The following TCF3 variants were observed in gnomAD, a reference collection of about 807,000 sequenced individuals.
TCF3 encodes transcription factor 3, also known as transcription factor E2-alpha.
A neutral mutation model predicts 72.3 loss-of-function variants in TCF3; 54 were observed. The observed-to-expected ratio is 0.75, with a 90% CI of 0.60 to 0.94. TCF3 has a LOEUF of 0.94. Among genes scored for constraint, TCF3 ranks in the 40% least tolerant of loss-of-function variants. The pLI is 0.00. For synonymous variants in TCF3, 525 were observed against 412.6 expected, an observed-to-expected ratio of 1.27 and a Z score of -3.30; for missense variants, 1,078 against 934.4, an observed-to-expected ratio of 1.15 and a Z score of -2.00.
chr19:1,615,232 AC>A lies in TCF3; in HGVS notation c.1822+52del. 6.6e-7 allele frequency: 1 copy of A among 1,525,696 alleles called. No individual in the cohort carries two copies. The highest frequency in any genetic ancestry group is 2.0e-5 in the Admixed American group (1 of 49,828). The allele number at this position is 1,525,696 out of a possible 1,614,324, so 94.5% of individuals were successfully genotyped here. The stretch of plus-strand genomic sequence containing the variant: ...GCGGGGAAGGAGAACGAGGGCAGGA[AC>A]ACGAGGGAGGGTGGCGCTGCAGGGA... On this transcript the variant is annotated intron_variant, in intron 18 of 18. Transcript: ENST00000262965. This position sits in a 1 kb window ranked among gnomAD's most constrained non-coding sequence, Gnocchi z 7.3.
At chr19:1,652,156 G>C (rs567952328) in intron 1 of TCF3, 144 bp downstream of exon 1, 2 of 148,166 alleles carry the variant, frequency 1.3e-5, no homozygotes, top group South Asian at 4.3e-4. Flanking sequence ...AATGACTCCC[G>C]GGCCGCGGGG....
chr19:1,619,347 G>C lies in TCF3; in HGVS notation c.1295C>G (p.Pro432Arg), dbSNP rs769618130. The change falls in exon 15 of 19, where the codon CCC (proline) becomes CGC (arginine). Residue 432 changes from proline to arginine, a missense_variant. Transcript: ENST00000262965. Reference sequence around the variant, plus strand: ...TGCGTGCCGCCCGCCCAGTGACATGGGGCCGGTGAAACCTGAGGCCAGCGC... The same window carrying C: ...TGCGTGCCGCCCGCCCAGTGACATGCGGCCGGTGAAACCTGAGGCCAGCGC... ...HGALASGFTG[P>R]MSLGGRHAGL... The C allele has an allele frequency of 3.8e-6, 6 of 1,583,628 alleles. No homozygotes were observed. The highest frequency in any genetic ancestry group is 5.1e-6 in the Non-Finnish European group (6 of 1,171,390).
chr19:1,637,848 G>A (rs1044823875), intron 3 of TCF3, among the ~76,000 whole-genome samples: 1 of 152,148 alleles, frequency 6.6e-6, no homozygotes, highest in Non-Finnish European at 1.5e-5. Flanking sequence ...GGCAGAGCTT[G>A]CAGTGAGCCG....
intron 3 of TCF3, among the ~76,000 whole-genome samples, chr19:1,645,759 C>G (rs370239403): frequency 6.6e-6 from 1 of 152,182 alleles, no homozygotes; most frequent in South Asian, 2.1e-4. Context: ...GTGTCATCAG[C>G]GAGGGTGACC....
intron 3 of TCF3, among the ~76,000 whole-genome samples, chr19:1,646,035 C>CGA (rs753661161): frequency 1.4e-4 from 21 of 152,150 alleles, no homozygotes; most frequent in Non-Finnish European, 2.9e-4. Context: ...AACGGATGCT[C>CGA]GAGATCCCCA....
At chr19:1,620,340 C>A (rs766050820) in intron 13 of TCF3, among the ~76,000 whole-genome samples, 3 of 152,152 alleles carry the variant, frequency 2.0e-5, no homozygotes, top group Non-Finnish European at 4.4e-5. Context: ...TCTCACTCCC[C>A]CTCCTCCTGT....
chr19:1,615,853 C>G lies in TCF3; in HGVS notation c.1451-32G>C. On this transcript the variant is annotated intron_variant, in intron 16 of 18. Transcript: ENST00000262965. The surrounding 1 kb of genome is among the most constrained non-coding windows in gnomAD (Gnocchi z 7.3). ...CAGGCCTAGGGTCAGGGGCCTGCGT[C>G]GGCCTCCAGGGCCAACTGACATATC... is the stretch of plus-strand genomic sequence containing the variant. 6.6e-7 allele frequency: 1 copy of G among 1,506,300 alleles called. No individual in the cohort carries two copies. Among genetic ancestry groups the G allele is most frequent in the Non-Finnish European group, 8.9e-7 (1 of 1,127,768 alleles). The allele number at this position is 1,506,300 out of a possible 1,614,324, so 93.3% of individuals were successfully genotyped here. A position where few individuals can be genotyped will look rare whatever the true frequency, so the allele number is the denominator to read the frequency against.
chr19:1,642,240 AGACG>A (rs2065403972), intron 3 of TCF3, among the ~76,000 whole-genome samples: 7 of 151,660 alleles, frequency 4.6e-5, no homozygotes, highest in Admixed American at 2.0e-4. Context: ...ACGCACGCGC[AGACG>A]CACACACACG....
At chr19:1,619,504 G>C (rs752058995) in intron 14 of TCF3, 30 bp from the exon 15 acceptor site, 4 of 1,550,734 alleles carry the variant, frequency 2.6e-6, no homozygotes, top group Non-Finnish European at 3.5e-6. Flanking sequence ...GTGGTGAGGG[G>C]CCCAAGCCGA....
At chr19:1,619,644 TTGGCG>T in intron 14 of TCF3, 131 bp downstream of exon 14, 1 of 1,269,126 alleles carries the variant, frequency 7.9e-7, no homozygotes, top group African/African-American at 1.5e-5. Flanking sequence ...TGTGTGTGCC[TTGGCG>T]GCCACGAGGC....
At chr19:1,649,066 C>T (rs970406441) in intron 2 of TCF3, among the ~76,000 whole-genome samples, 24 of 152,228 alleles carry the variant, frequency 1.6e-4, no homozygotes, top group African/African-American at 5.8e-4. Context: ...CTCCGTTCAC[C>T]CAGGTGGAGA....
intron 16 of TCF3, among the ~76,000 whole-genome samples, chr19:1,617,225 C>G (rs1279900381): frequency 1.3e-5 from 2 of 152,176 alleles, no homozygotes; most frequent in Admixed American, 6.5e-5. Flanking sequence ...GTGTATCACA[C>G]CCTTGATCAG....
In TCF3 at chr19:1,627,805, A is replaced by G. The variant is rs547773737; in HGVS notation, c.299-379T>C. Reference sequence around the variant, plus strand: ...AGGTGGGAAGGGGACAGCAGAGCTCACAGGGGGTGAGGCGGGAAGGGGACA... The same window carrying G: ...AGGTGGGAAGGGGACAGCAGAGCTCGCAGGGGGTGAGGCGGGAAGGGGACA... On this transcript the variant is annotated intron_variant, in intron 5 of 18. Coordinates refer to ENST00000262965, the MANE Select transcript of TCF3 (RefSeq NM_003200.5). Among the ~76,000 whole-genome samples the G allele has an allele frequency of 1.2e-4, 16 of 134,048 alleles. No homozygotes were observed. In the East Asian group the frequency reaches 3.2e-3, roughly 27 times the overall value. 87.9% of individuals were successfully genotyped at this position (134,048 alleles called of 152,430 possible).
At chr19:1,619,648 C>G in intron 14 of TCF3, 132 bp downstream of exon 14, 1 of 1,259,996 alleles carries the variant, frequency 7.9e-7, no homozygotes, top group South Asian at 1.4e-5. Flanking sequence ...TGTGCCTTGG[C>G]GGCCACGAGG....
intron 1 of TCF3, chr19:1,650,497 TC>T: frequency 2.1e-6 from 1 of 473,662 alleles, no homozygotes; most frequent in South Asian, 3.8e-5. Flanking sequence ...TGCAGAGTCC[TC>T]CCCAGAGACC....
At chr19:1,621,614 G>A (rs542652347) in intron 11 of TCF3, among the ~76,000 whole-genome samples, 196 of 152,082 alleles carry the variant, frequency 1.3e-3, no homozygotes, top group African/African-American at 4.2e-3. Context: ...TTTCCCAGCT[G>A]TAAGGCGGGA....
chr19:1,648,062 T>A (rs775102145), intron 2 of TCF3, among the ~76,000 whole-genome samples: 18 of 152,176 alleles, frequency 1.2e-4, no homozygotes, highest in African/African-American at 3.9e-4. Flanking sequence ...CCCAGGCCAG[T>A]GCTGGCGGGT....
At chr19:1,633,070 G>C (rs550951318) in intron 3 of TCF3, among the ~76,000 whole-genome samples, 4 of 152,080 alleles carry the variant, frequency 2.6e-5, no homozygotes, top group Admixed American at 1.3e-4. Flanking sequence ...AGCAAGGGAC[G>C]GGACGAGGAC....
intron 5 of TCF3, among the ~76,000 whole-genome samples, chr19:1,631,112 G>A (rs368134178): frequency 1.3e-5 from 2 of 152,196 alleles, no homozygotes; most frequent in Non-Finnish European, 2.9e-5. Flanking sequence ...ACCTGGCATT[G>A]GGCAGGGCCT....
Sources: allele counts gnomAD v4.1 joint callset (sites outside exome capture counted in the v4.1 genomes callset), GRCh38; gene constraint gnomAD v4.1.1; non-coding constraint Gnocchi (gnomAD v3.1); transcripts MANE v1.5; gene names NCBI Gene and HGNC (gene_info 2026-07-23, HGNC 2026-07-21).